ADGRV1: variants seen among roughly 807,000 people sequenced by gnomAD.
ADGRV1 encodes G-protein coupled receptor 98.
ADGRV1 carries 359 observed loss-of-function variants against 596.2 expected under a neutral mutation model. That is an observed-to-expected ratio of 0.60 (90% CI 0.55 to 0.66). The LOEUF is 0.66. Among genes scored for constraint, ADGRV1 ranks in the 30% least tolerant of loss-of-function variants. The pLI is 0.00. For missense variants in ADGRV1, 7,274 were observed against 7,575.6 expected, an observed-to-expected ratio of 0.96 and a Z score of 1.48; for synonymous variants, 2,681 against 2,679.2, an observed-to-expected ratio of 1.00 and a Z score of -0.02.
intron 87 of ADGRV1, among the ~76,000 whole-genome samples, chr5:91,110,364 G>A (rs531279809): frequency 5.6e-4 from 86 of 152,322 alleles, no homozygotes; most frequent in African/African-American, 1.9e-3. Flanking sequence ...TCCATCCACT[G>A]AGGTTAGAAG....
chr5:90,860,741 G>A (rs1166700672), intron 82 of ADGRV1, among the ~76,000 whole-genome samples: 2 of 148,842 alleles, frequency 1.3e-5, no homozygotes, highest in Non-Finnish European at 3.0e-5. Flanking sequence ...AAAAGCCTAA[G>A]CTAAAAAGCT....
At chr5:91,134,676 G>A (rs778876466) in intron 87 of ADGRV1, among the ~76,000 whole-genome samples, 9 of 151,858 alleles carry the variant, frequency 5.9e-5, no homozygotes, top group Non-Finnish European at 1.0e-4. Context: ...AACCTAGAAT[G>A]TTTCCTTATG....
chr5:90,607,547 AC>A (rs1762253330), intron 1 of ADGRV1, among the ~76,000 whole-genome samples: 2 of 152,096 alleles, frequency 1.3e-5, no homozygotes, highest in South Asian at 4.1e-4. Flanking sequence ...CCAGTTTTTT[AC>A]CCCCTTCTAC....
At chr5:91,096,103 T>C (rs76173152) in intron 86 of ADGRV1, among the ~76,000 whole-genome samples, 7,502 of 152,322 alleles carry the variant, frequency 0.049, 264 homozygotes, top group East Asian at 0.13. Flanking sequence ...TTCTATGTTT[T>C]ACATTGATGG....
At chr5:90,972,223 A>G (rs1408089738) in intron 84 of ADGRV1, among the ~76,000 whole-genome samples, 1 of 152,206 alleles carries the variant, frequency 6.6e-6, no homozygotes, top group Non-Finnish European at 1.5e-5. Flanking sequence ...AGACCTACAA[A>G]GAGACTTAGA....
chr5:90,685,660 A>G, intron 28 of ADGRV1, 120 bp from the exon 29 acceptor site: 3 of 408,908 alleles, frequency 7.3e-6, no homozygotes, highest in Non-Finnish European at 1.3e-5. Flanking sequence ...GTAGAGGGAA[A>G]ACCCCAAATG....
intron 59 of ADGRV1, among the ~76,000 whole-genome samples, chr5:90,766,986 A>T (rs543937788): frequency 1.6e-3 from 251 of 152,306 alleles, no homozygotes; most frequent in African/African-American, 5.7e-3. Flanking sequence ...GAATAATTCC[A>T]ACCTAACCAC....
intron 84 of ADGRV1, among the ~76,000 whole-genome samples, chr5:90,972,434 T>G (rs1215219682): frequency 2.0e-5 from 3 of 152,154 alleles, no homozygotes; most frequent in Non-Finnish European, 4.4e-5. Flanking sequence ...TATTCCAAAA[T>G]TGACCACATA....
intron 50 of ADGRV1, among the ~76,000 whole-genome samples, chr5:90,736,958 T>G (rs1478259394): frequency 6.6e-6 from 1 of 151,756 alleles, no homozygotes; most frequent in Non-Finnish European, 1.5e-5. Flanking sequence ...TAGTCTTTTA[T>G]TTATTTTTGC....
At chr5:90,578,729 A>C (rs930127416) in intron 1 of ADGRV1, among the ~76,000 whole-genome samples, 1 of 152,166 alleles carries the variant, frequency 6.6e-6, no homozygotes, top group Non-Finnish European at 1.5e-5. Flanking sequence ...TCGGCTGTGA[A>C]TCCGTCTGGT....
rs1311049506 is a variant in ADGRV1, at chr5:90,819,036, A to T, written c.16196+3300A>T. Reference sequence around the variant, plus strand: ...TCTGGTAGAAATCGGCTGTGAATCCATCTGGTCCTGGACTCTTTTTGGTTG... The same window carrying T: ...TCTGGTAGAAATCGGCTGTGAATCCTTCTGGTCCTGGACTCTTTTTGGTTG... On this transcript the variant is annotated intron_variant, in intron 75 of 89. Transcript: ENST00000405460. 2.6e-5 allele frequency among the ~76,000 whole-genome samples: 4 copies of T among 152,118 alleles called. No individual in the cohort carries two copies. In the South Asian group the frequency reaches 8.3e-4, roughly 31 times the overall value.
chr5:90,583,170 C>T (rs1758289165), intron 1 of ADGRV1, among the ~76,000 whole-genome samples: 1 of 151,992 alleles, frequency 6.6e-6, no homozygotes, highest in Non-Finnish European at 1.5e-5. Flanking sequence ...GACTAGAATG[C>T]CCTAGCTTTT....
At chr5:90,697,650 C>T (rs1465146945) in intron 34 of ADGRV1, among the ~76,000 whole-genome samples, 1 of 152,034 alleles carries the variant, frequency 6.6e-6, no homozygotes, top group East Asian at 1.9e-4. Context: ...AACAAAGTGC[C>T]AAACCTTATA....
intron 58 of ADGRV1, 116 bp downstream of exon 58, chr5:90,759,704 G>A (rs889846894): frequency 2.0e-5 from 17 of 870,676 alleles, no homozygotes; most frequent in Middle Eastern, 3.1e-4. Context: ...GGTGGCTCAT[G>A]CCAGTAATCC....
At chr5:90,761,889 C>T (rs1191307358) in intron 58 of ADGRV1, among the ~76,000 whole-genome samples, 1 of 152,132 alleles carries the variant, frequency 6.6e-6, no homozygotes, top group Admixed American at 6.6e-5. Flanking sequence ...CCTGTCTTTC[C>T]TATCACAAAA....
chr5:90,947,507 G>A (rs894687754), intron 83 of ADGRV1, among the ~76,000 whole-genome samples: 3 of 151,988 alleles, frequency 2.0e-5, no homozygotes, highest in Admixed American at 1.3e-4. Context: ...TGAAATCCTT[G>A]ATGAGTGGAT....
chr5:90,818,216 G>C (rs1763105236), intron 75 of ADGRV1, among the ~76,000 whole-genome samples: 2 of 151,724 alleles, frequency 1.3e-5, no homozygotes, highest in Admixed American at 6.6e-5. Context: ...CTCTCTGTTT[G>C]TCTGTTGTTG....
Position 90,789,769 on chromosome 5 carries a change from A to G in ADGRV1, c.13961A>G (p.Tyr4654Cys). 1 of 1,554,846 alleles carries G rather than the reference A, an allele frequency of 6.4e-7. No individual in the cohort carries two copies. The highest frequency in any genetic ancestry group is 8.7e-7 in the Non-Finnish European group (1 of 1,146,694). Residue 4654 changes from tyrosine to cysteine, a missense_variant, in exon 69 of 90, where the codon TAT becomes TGT. Tyr to Cys is a radical substitution (Grantham distance 194). This residue lies in a region of ADGRV1 where 3,643 missense variants were observed against 3,809.2 expected (regional missense o/e 0.96). Coordinates refer to ENST00000405460, the MANE Select transcript of ADGRV1 (RefSeq NM_032119.4). ...CCTGAAACTTTGTCTAAGAAGACTTATTCAGAGCCTCTGGCTCTGGAAGGG... is the reference window on the plus strand; with the variant it reads ...CCTGAAACTTTGTCTAAGAAGACTTGTTCAGAGCCTCTGGCTCTGGAAGGG... ...FAPETLSKKT[Y>C]SEPLALEGPL...
At chr5:90,904,657 A>G (rs904015380) in intron 83 of ADGRV1, among the ~76,000 whole-genome samples, 4 of 151,618 alleles carry the variant, frequency 2.6e-5, no homozygotes, top group African/African-American at 7.3e-5. Flanking sequence ...CCCTTGTCAG[A>G]TGGGCAATTT....
Sources: gnomAD v4.1 joint callset for allele counts (sites outside exome capture counted in the v4.1 genomes callset) on GRCh38, gnomAD v4.1.1 for gene constraint, gnomAD v4.1.1 regional missense constraint, MANE v1.5 for transcripts, NCBI Gene and HGNC (gene_info 2026-07-23, HGNC 2026-07-21) for gene names.